NDUFS6: variants seen among roughly 807,000 people sequenced by gnomAD.
NDUFS6 encodes NADH:ubiquinone oxidoreductase subunit S6, also known as NADH dehydrogenase [ubiquinone] iron-sulfur protein 6, mitochondrial.
Under a neutral mutation model 13.2 loss-of-function variants are expected in NDUFS6, and 14 were observed. The observed-to-expected ratio is 1.06, with a 90% CI of 0.70 to 1.66. NDUFS6 has a LOEUF of 1.66. Ranked by LOEUF, NDUFS6 falls within the 40% of genes most tolerant of loss-of-function variation. NDUFS6 has a pLI of 0.00. For missense variants in NDUFS6, 206 were observed against 170.8 expected, an observed-to-expected ratio of 1.21 and a Z score of -1.15; for synonymous variants, 95 against 72.3, an observed-to-expected ratio of 1.31 and a Z score of -1.60.
At position 1,808,882 on chromosome 5, in the gene NDUFS6, ATGT is replaced by A. The variant is rs532207318; in HGVS notation, c.187-5455_187-5453del. On this transcript the variant is annotated intron_variant, in intron 2 of 3. Coordinates refer to ENST00000274137, the MANE Select transcript of NDUFS6 (RefSeq NM_004553.6). ...TTGGCATTCATGTTCAGAATGCCTGATGTTCTAAATAATTGAACTGAGCTTTTA... is the reference window on the plus strand; with the variant it reads ...TTGGCATTCATGTTCAGAATGCCTGATCTAAATAATTGAACTGAGCTTTTA... Among the ~76,000 whole-genome samples, 79 of 152,376 alleles carry A rather than the reference ATGT, an allele frequency of 5.2e-4. 1 individual carries two copies. The South Asian group carries it at 0.016, about 31-fold the overall frequency.
chr5:1,801,858 G>T lies in NDUFS6; in HGVS notation c.132+309G>T, dbSNP rs62336034. On this transcript the variant is annotated intron_variant, in intron 1 of 3. Transcript: ENST00000274137. ...GGCAGCCGATTATTTGGGTCAGAAC[G>T]TTTAGAATTTGTGTAATATTCAATA... Among the ~76,000 whole-genome samples, 3,584 of 152,346 alleles carry T rather than the reference G, an allele frequency of 0.024. 64 individuals carry two copies. Among genetic ancestry groups the T allele is most frequent in the Middle Eastern group, 0.034 (10 of 294 alleles).
At chr5:1,803,150 G>A (rs111954161) in intron 2 of NDUFS6, among the ~76,000 whole-genome samples, 2 of 152,044 alleles carry the variant, frequency 1.3e-5, no homozygotes, top group South Asian at 4.1e-4. Context: ...TTCAATCTTG[G>A]TTACGTTATC....
chr5:1,806,736 GA>G (rs1353225858), intron 2 of NDUFS6, among the ~76,000 whole-genome samples: 1 of 152,180 alleles, frequency 6.6e-6, no homozygotes, highest in Non-Finnish European at 1.5e-5. Context: ...AGCCGTGAAG[GA>G]AAACAGCGTG....
rs1734266498 is a variant in NDUFS6, at chr5:1,814,250, T to C, written c.187-89T>C. ...AGCATGCACCATAGATTCGTGCTGA[T>C]GGTACATGAATTTGTGTGTGGTGGG... On this transcript the variant is annotated intron_variant, in intron 2 of 3. Transcript: ENST00000274137. This position sits in a 1 kb window ranked among gnomAD's most constrained non-coding sequence, Gnocchi z 4.9. 1 of 1,557,292 alleles carries C rather than the reference T, an allele frequency of 6.4e-7. No homozygotes were observed. The highest frequency in any genetic ancestry group is 1.1e-5 in the South Asian group (1 of 89,798).
At chr5:1,808,049 C>T (rs1410447839) in intron 2 of NDUFS6, among the ~76,000 whole-genome samples, 1 of 152,198 alleles carries the variant, frequency 6.6e-6, no homozygotes, top group East Asian at 1.9e-4. Context: ...TGAGAAGGTC[C>T]TCCGTGAGAG....
At chr5:1,801,721 G>T (rs901168264) in intron 1 of NDUFS6, among the ~76,000 whole-genome samples, 172 bp downstream of exon 1, 3 of 152,228 alleles carry the variant, frequency 2.0e-5, no homozygotes, top group African/African-American at 7.2e-5. Flanking sequence ...CGGGACGGTG[G>T]TGGCAGCCTG....
intron 2 of NDUFS6, among the ~76,000 whole-genome samples, chr5:1,809,768 G>A (rs564135099): frequency 6.6e-6 from 1 of 152,286 alleles, no homozygotes; most frequent in South Asian, 2.1e-4. Context: ...TAGTTGCATC[G>A]CCTGCAGCAG....
chr5:1,815,708 G>A, intron 3 of NDUFS6, 143 bp from the exon 4 acceptor site: 5 of 889,770 alleles, frequency 5.6e-6, no homozygotes, highest in East Asian at 2.7e-5. Flanking sequence ...AACCGAGATC[G>A]ACAGTCTGCA....
chr5:1,813,371 A>G (rs559107809), intron 2 of NDUFS6, among the ~76,000 whole-genome samples: 1 of 152,222 alleles, frequency 6.6e-6, no homozygotes, highest in Non-Finnish European at 1.5e-5. Context: ...AGTCAGATTT[A>G]TAAAACTTGG....
At chr5:1,808,396 A>T (rs970380103) in intron 2 of NDUFS6, among the ~76,000 whole-genome samples, 1 of 152,218 alleles carries the variant, frequency 6.6e-6, no homozygotes, top group Non-Finnish European at 1.5e-5. Flanking sequence ...CTGGATGGAT[A>T]AGAACCGTGG....
intron 3 of NDUFS6, among the ~76,000 whole-genome samples, chr5:1,815,091 A>C (rs987077111): frequency 6.6e-6 from 1 of 152,190 alleles, no homozygotes. Context: ...TTTATTTTCT[A>C]ACAATCCCTA....
At chr5:1,810,077 C>G (rs564145667) in intron 2 of NDUFS6, among the ~76,000 whole-genome samples, 1 of 152,148 alleles carries the variant, frequency 6.6e-6, no homozygotes, top group Non-Finnish European at 1.5e-5. Context: ...CTGCCTCCCA[C>G]TGCGTGTGTG....
intron 3 of NDUFS6, among the ~76,000 whole-genome samples, chr5:1,815,026 G>C (rs780780439): frequency 2.0e-4 from 31 of 152,280 alleles, no homozygotes; most frequent in Admixed American, 5.2e-4. Context: ...CCTCTTTAAA[G>C]GCCCCATCTC....
At chr5:1,812,611 C>T (rs1734235650) in intron 2 of NDUFS6, among the ~76,000 whole-genome samples, 1 of 149,836 alleles carries the variant, frequency 6.7e-6, no homozygotes, top group Non-Finnish European at 1.5e-5. Flanking sequence ...CATTCTATAA[C>T]ATTTCCTGTC....
rs144347452 is a variant in NDUFS6 at position 1,804,589 on chromosome 5, T to C, written c.186+2215T>C. On this transcript the variant is annotated intron_variant, in intron 2 of 3. Coordinates refer to ENST00000274137, the MANE Select transcript of NDUFS6 (RefSeq NM_004553.6). ...GGTTCAAGGCATGTTGATAACATGATGAGTGGGCATCCTGCCCAAGCTTTC... is the reference window on the plus strand; with the variant it reads ...GGTTCAAGGCATGTTGATAACATGACGAGTGGGCATCCTGCCCAAGCTTTC... 4.6e-4 allele frequency among the ~76,000 whole-genome samples: 70 copies of C among 152,406 alleles called. No homozygotes were observed. In the East Asian group the frequency reaches 7.1e-3, roughly 16 times the overall value.
Position 1,814,456 on chromosome 5 carries a change from A to G in NDUFS6, c.304A>G (p.Asn102Asp), listed in dbSNP as rs1734271609. Reference sequence around the variant, plus strand: ...TCTTGGCCACCCAAAAGTGTATATAAACTTGGTGCGTAGCTGGCCACCTGT... The same window carrying G: ...TCTTGGCCACCCAAAAGTGTATATAGACTTGGTGCGTAGCTGGCCACCTGT... ...GALGHPKVYI[N>D]LDKETKTGTC... Residue 102 changes from asparagine to aspartate, a missense_variant, in exon 3 of 4, where the codon AAC (asparagine) becomes GAC (aspartate). Transcript: ENST00000274137. The surrounding 1 kb of genome is among the most constrained non-coding windows in gnomAD (Gnocchi z 4.9). 1 of 1,613,998 alleles carries G rather than the reference A, an allele frequency of 6.2e-7. No homozygotes were observed. Among genetic ancestry groups the G allele is most frequent in the Admixed American group, 1.7e-5 (1 of 60,000 alleles).
rs115044056 is a variant in NDUFS6, at chr5:1,803,406, A to G, written c.186+1032A>G. 8.8e-3 allele frequency among the ~76,000 whole-genome samples: 1,340 copies of G among 152,282 alleles called. 22 individuals are homozygous for G. Among genetic ancestry groups the G allele is most frequent in the African/African-American group, 0.031 (1,289 of 41,528 alleles). Reference sequence around the variant, plus strand: ...TGCACATTCAGTGGAAGAGTGTGCCATGATTGATTAGTGATGTCTACCAGG... The same window carrying G: ...TGCACATTCAGTGGAAGAGTGTGCCGTGATTGATTAGTGATGTCTACCAGG... On this transcript the variant is annotated intron_variant, in intron 2 of 3. Coordinates refer to ENST00000274137, the MANE Select transcript of NDUFS6 (RefSeq NM_004553.6).
Position 1,814,582 on chromosome 5 carries a change from G to T in NDUFS6, c.309+121G>T. On this transcript the variant is annotated intron_variant, in intron 3 of 3. Coordinates refer to ENST00000274137, the MANE Select transcript of NDUFS6 (RefSeq NM_004553.6). The surrounding 1 kb of genome is among the most constrained non-coding windows in gnomAD (Gnocchi z 4.9). Reference sequence around the variant, plus strand: ...ACCTGCTCCCGAGGCGGCCCTTACGGGGTTCACACTGCTGGCACATTCACC... The same window carrying T: ...ACCTGCTCCCGAGGCGGCCCTTACGTGGTTCACACTGCTGGCACATTCACC... 2.1e-6 allele frequency: 3 copies of T among 1,451,050 alleles called. No individual in the cohort carries two copies. Among genetic ancestry groups the T allele is most frequent in the Non-Finnish European group, 2.8e-6 (3 of 1,057,444 alleles). 89.9% of individuals were successfully genotyped at this position (1,451,050 alleles called of 1,614,324 possible).
chr5:1,803,788 G>A (rs967766253), intron 2 of NDUFS6, among the ~76,000 whole-genome samples: 4 of 152,222 alleles, frequency 2.6e-5, no homozygotes, highest in Non-Finnish European at 4.4e-5. Flanking sequence ...ATGGCATTGC[G>A]AATGGGACAT....
Sources: allele counts gnomAD v4.1 joint callset (sites outside exome capture counted in the v4.1 genomes callset), GRCh38; gene constraint gnomAD v4.1.1; non-coding constraint Gnocchi (gnomAD v3.1); transcripts MANE v1.5; gene names NCBI Gene and HGNC (gene_info 2026-07-23, HGNC 2026-07-21).